Variants in CSNK1G1 observed in about 807,000 individuals in gnomAD.
CSNK1G1 encodes the protein casein kinase 1 gamma 1.
A neutral mutation model predicts 59.6 loss-of-function variants in CSNK1G1; 22 were observed. The ratio of observed to expected loss-of-function variants is 0.37; its 90% CI spans 0.26 to 0.53. CSNK1G1 has a LOEUF of 0.53. Ranked by LOEUF, CSNK1G1 falls within the 20% of genes least tolerant of loss-of-function variation. The pLI, the probability that CSNK1G1 is intolerant of heterozygous loss-of-function variation, is 0.89. For synonymous variants in CSNK1G1, 179 were observed against 177.1 expected (o/e 1.01, Z -0.08); for missense variants, 384 against 519.5 (o/e 0.74, Z 2.54).
chr15:64,300,228 G>C, intron 2 of CSNK1G1, 91 bp downstream of exon 2: 1 of 1,291,798 alleles, frequency 7.7e-7, no homozygotes, highest in Non-Finnish European at 1.1e-6. Flanking sequence ...AAAATTTCTT[G>C]TAAAACTATA....
chr15:64,350,335 T>G (rs1263834213), intron 1 of CSNK1G1, among the ~76,000 whole-genome samples: 1 of 151,732 alleles, frequency 6.6e-6, no homozygotes, highest in African/African-American at 2.4e-5. Context: ...CTACTAAAAA[T>G]ACAAAAAGAA....
chr15:64,338,700 C>CAAAAA (rs34206192), intron 1 of CSNK1G1, among the ~76,000 whole-genome samples: 3 of 31,524 alleles, frequency 9.5e-5, no homozygotes, highest in Non-Finnish European at 1.4e-4. Flanking sequence ...AACTCGGTCT[C>CAAAAA]AAAAAAAAAA....
chr15:64,191,349 G>A (rs1433523444), intron 10 of CSNK1G1, among the ~76,000 whole-genome samples: 3 of 152,068 alleles, frequency 2.0e-5, no homozygotes, highest in African/African-American at 4.8e-5. Flanking sequence ...TGTGAGCCAC[G>A]GCACCCAGCC....
intron 10 of CSNK1G1, among the ~76,000 whole-genome samples, chr15:64,191,949 G>A (rs1020019549): frequency 6.6e-6 from 1 of 152,172 alleles, no homozygotes; most frequent in Non-Finnish European, 1.5e-5. Context: ...ATAGTAGAAA[G>A]GGCCATTTGC....
At chr15:64,243,896 T>C (rs370207695) in intron 4 of CSNK1G1, among the ~76,000 whole-genome samples, 5 of 148,600 alleles carry the variant, frequency 3.4e-5, no homozygotes, top group Non-Finnish European at 7.4e-5. Flanking sequence ...AGGCCGGGCA[T>C]GGTGGCTCAC....
chr15:64,244,664 C>T (rs143740078), intron 4 of CSNK1G1, among the ~76,000 whole-genome samples: 8 of 152,140 alleles, frequency 5.3e-5, no homozygotes, highest in African/African-American at 1.9e-4. Flanking sequence ...AGGTGGATCA[C>T]TGGAGTCCAG....
rs937034864 is a variant in CSNK1G1, at chr15:64,214,603, G to A, written c.445-479C>T. The stretch of plus-strand genomic sequence containing the variant: ...TTTCGATGTTGTGAGGCCCAGAGAA[G>A]TTAATACTGGCCTGACATCACATAG... On this transcript the variant is annotated intron_variant, in intron 5 of 11. Transcript: ENST00000303052. The surrounding 1 kb of genome is among the most constrained non-coding windows in gnomAD (Gnocchi z 4.3). 4.6e-5 allele frequency among the ~76,000 whole-genome samples: 7 copies of A among 152,178 alleles called. No individual in the cohort carries two copies. The highest frequency in any genetic ancestry group is 1.0e-4 in the Non-Finnish European group (7 of 68,024).
chr15:64,349,961 AAGTGCCAACT>A (rs1423304169), intron 1 of CSNK1G1, among the ~76,000 whole-genome samples: 1 of 151,944 alleles, frequency 6.6e-6, no homozygotes, highest in Non-Finnish European at 1.5e-5. Context: ...CCCAAATGAA[AAGTGCCAACT>A]ATGTGCACAC....
intron 1 of CSNK1G1, among the ~76,000 whole-genome samples, chr15:64,333,501 C>G (rs1897228686): frequency 8.2e-6 from 1 of 121,600 alleles, no homozygotes; most frequent in Non-Finnish European, 1.7e-5. Flanking sequence ...AAGCACAAAA[C>G]TCACAAGGTC....
At chr15:64,268,041 C>A (rs1351822466) in intron 2 of CSNK1G1, among the ~76,000 whole-genome samples, 1 of 152,022 alleles carries the variant, frequency 6.6e-6, no homozygotes, top group South Asian at 2.1e-4. Flanking sequence ...ATCTGCACTC[C>A]CATGTTTACT....
At chr15:64,199,250 C>CAAA (rs56819260) in intron 10 of CSNK1G1, among the ~76,000 whole-genome samples, 35 of 52,244 alleles carry the variant, frequency 6.7e-4, no homozygotes, top group African/African-American at 1.9e-3. Flanking sequence ...AATCTTTTCT[C>CAAA]AAAAAAAAAA....
chr15:64,279,865 G>A (rs1220338036), intron 2 of CSNK1G1, among the ~76,000 whole-genome samples: 2 of 151,720 alleles, frequency 1.3e-5, no homozygotes, highest in East Asian at 1.9e-4. Flanking sequence ...CCAGCTACTC[G>A]GGAGGCTGAG....
Position 64,184,290 on chromosome 15 carries a change from G to A in CSNK1G1, c.1108-3836C>T, listed in dbSNP as rs147985242. 8.9e-4 allele frequency among the ~76,000 whole-genome samples: 135 copies of A among 151,986 alleles called. 2 individuals carry two copies. Among genetic ancestry groups the A allele is most frequent in the Middle Eastern group, 6.8e-3 (2 of 294 alleles). ...TGCACTCCAGCCTGGGTGACAGAGC[G>A]AGACTTCGTCTCAAAAAATAAATAA... On this transcript the variant is annotated intron_variant, in intron 10 of 11. Transcript: ENST00000303052.
At chr15:64,283,103 C>T (rs1894230452) in intron 2 of CSNK1G1, among the ~76,000 whole-genome samples, 1 of 152,072 alleles carries the variant, frequency 6.6e-6, no homozygotes, top group Non-Finnish European at 1.5e-5. Context: ...CAGAAATCAC[C>T]ATTAAAGAAC....
chr15:64,172,167 A>T (rs541303268), intron 11 of CSNK1G1, among the ~76,000 whole-genome samples, 182 bp from the exon 12 acceptor site: 1 of 152,180 alleles, frequency 6.6e-6, no homozygotes, highest in Non-Finnish European at 1.5e-5. Context: ...AAGCCAAAGG[A>T]AATAGCTGCT....
chr15:64,306,152 T>G (rs1326728194), intron 1 of CSNK1G1, among the ~76,000 whole-genome samples: 2 of 152,160 alleles, frequency 1.3e-5, no homozygotes, highest in Non-Finnish European at 2.9e-5. Context: ...TTAACTTCAC[T>G]AAAACTAAAA....
chr15:64,323,253 T>C (rs1266411197), intron 1 of CSNK1G1, among the ~76,000 whole-genome samples: 1 of 152,178 alleles, frequency 6.6e-6, no homozygotes, highest in Non-Finnish European at 1.5e-5. Context: ...TGGTATTTAC[T>C]GGCAACCTGA....
intron 1 of CSNK1G1, among the ~76,000 whole-genome samples, chr15:64,305,313 C>A (rs1373816018): frequency 1.3e-5 from 2 of 152,136 alleles, no homozygotes; most frequent in African/African-American, 2.4e-5. Context: ...CCAGTGCACA[C>A]ATGAATGTGT....
intron 4 of CSNK1G1, among the ~76,000 whole-genome samples, chr15:64,239,191 A>G (rs2082661314): frequency 6.6e-6 from 1 of 152,230 alleles, no homozygotes; most frequent in Non-Finnish European, 1.5e-5. Context: ...GAGAGTCAAC[A>G]GTTCCATTAG....
Sources: allele counts gnomAD v4.1 joint callset (sites outside exome capture counted in the v4.1 genomes callset), GRCh38; gene constraint gnomAD v4.1.1; non-coding constraint Gnocchi (gnomAD v3.1); transcripts MANE v1.5; gene names NCBI Gene and HGNC (gene_info 2026-07-23, HGNC 2026-07-21).